Variants in ZNF536 observed in about 807,000 individuals in gnomAD.
ZNF536 encodes the protein zinc finger protein 536.
A neutral mutation model predicts 84.5 loss-of-function variants in ZNF536; 13 were observed. The ratio of observed to expected loss-of-function variants is 0.15; its 90% CI spans 0.10 to 0.24. The LOEUF is 0.24. Among genes scored for constraint, ZNF536 ranks in the 10% least tolerant of loss-of-function variants. The probability of loss-of-function intolerance (pLI) is 1.00; values close to 1 mark genes in which losing one functional copy is unlikely to be tolerated. For missense variants in ZNF536, 1,536 were observed against 1,747.5 expected (o/e 0.88, Z 2.16); for synonymous variants, 811 against 742.5 (o/e 1.09, Z -1.50).
At chr19:30,526,495 C>T (rs926714919) in intron 2 of ZNF536, among the ~76,000 whole-genome samples, 2 of 125,072 alleles carry the variant, frequency 1.6e-5, no homozygotes, top group East Asian at 1.9e-4. Flanking sequence ...GAGGCCGAGG[C>T]GGGCGGATCA....
At chr19:30,587,068 A>G (rs1169896203) in intron 1 of ZNF536, among the ~76,000 whole-genome samples, 2 of 152,252 alleles carry the variant, frequency 1.3e-5, no homozygotes, top group African/African-American at 4.8e-5. Context: ...CTGTCCACAC[A>G]TATCTTGAAG....
intron 1 of ZNF536, among the ~76,000 whole-genome samples, chr19:30,392,822 ATTAGTGCATAG>A (rs993080137): frequency 1.3e-5 from 2 of 152,202 alleles, no homozygotes; most frequent in Non-Finnish European, 1.5e-5. Context: ...TGTCCTGAAA[ATTAGTGCATAG>A]TTAGATCAAA....
intron 2 of ZNF536, among the ~76,000 whole-genome samples, chr19:30,497,060 C>T (rs1439954000): frequency 6.6e-6 from 1 of 152,174 alleles, no homozygotes; most frequent in Non-Finnish European, 1.5e-5. Context: ...AGGTGCTCCT[C>T]CCCCTCTACT....
At chr19:30,644,937 C>T (rs1341686531) in intron 1 of ZNF536, among the ~76,000 whole-genome samples, 7 of 152,242 alleles carry the variant, frequency 4.6e-5, no homozygotes, top group South Asian at 4.1e-4. Flanking sequence ...CCTGAGGAAT[C>T]GCCACACTGA....
chr19:30,290,755 G>C (rs1434439258), intron 2 of ZNF536, among the ~76,000 whole-genome samples: 1 of 152,208 alleles, frequency 6.6e-6, no homozygotes, highest in Non-Finnish European at 1.5e-5. Context: ...ATGTGCCATA[G>C]TAGTTTGCTG....
chr19:30,346,093 G>C (rs1025202264), intron 2 of ZNF536, among the ~76,000 whole-genome samples: 2 of 152,170 alleles, frequency 1.3e-5, no homozygotes, highest in African/African-American at 4.8e-5. Flanking sequence ...ACTGCCATCG[G>C]AAAGGCTGTA....
intron 1 of ZNF536, among the ~76,000 whole-genome samples, chr19:30,268,502 G>T (rs2025645555): frequency 6.6e-6 from 1 of 152,146 alleles, no homozygotes; most frequent in Non-Finnish European, 1.5e-5. Flanking sequence ...ACCCTCCCAG[G>T]GAGTGCTGGC....
At chr19:30,372,119 C>G (rs577879704), upstream of ZNF536, among the ~76,000 whole-genome samples, 2 of 152,324 alleles carry the variant, frequency 1.3e-5, no homozygotes, top group Non-Finnish European at 2.9e-5. Flanking sequence ...CTTCCCATTT[C>G]AGAGCTGACA....
At chr19:30,700,107 T>C (rs940557459) in intron 1 of ZNF536, among the ~76,000 whole-genome samples, 10 of 139,874 alleles carry the variant, frequency 7.1e-5, no homozygotes, top group South Asian at 4.9e-4. Flanking sequence ...CCTTCCTTTC[T>C]TCCTCCCTCC....
At chr19:30,358,951 C>A (rs928340713) in intron 3 of ZNF536, among the ~76,000 whole-genome samples, 1 of 152,198 alleles carries the variant, frequency 6.6e-6, no homozygotes, top group Non-Finnish European at 1.5e-5. Flanking sequence ...GTCATAGCCC[C>A]AAATTCAGAG....
intron 2 of ZNF536, among the ~76,000 whole-genome samples, chr19:30,303,788 C>T (rs2046263306): frequency 6.6e-6 from 1 of 152,168 alleles, no homozygotes; most frequent in African/African-American, 2.4e-5. Context: ...CCACCATGCC[C>T]AGCCGACACT....
intron 1 of ZNF536, among the ~76,000 whole-genome samples, chr19:30,375,404 G>A (rs2048775398): frequency 6.6e-6 from 1 of 152,094 alleles, no homozygotes; most frequent in African/African-American, 2.4e-5. Context: ...GTGCGCGGGG[G>A]CTCCCCGCTA....
At chr19:30,669,929 G>A (rs1001887905) in intron 1 of ZNF536, among the ~76,000 whole-genome samples, 1 of 152,212 alleles carries the variant, frequency 6.6e-6, no homozygotes. Context: ...GATTGTTCCT[G>A]CTTCTACAGG....
chr19:30,433,623 G>A (rs1171912778), intron 1 of ZNF536, among the ~76,000 whole-genome samples: 16 of 152,204 alleles, frequency 1.1e-4, no homozygotes, highest in South Asian at 4.2e-4. Flanking sequence ...TCAGCCTCCC[G>A]AGTAGCTGGG....
intron 2 of ZNF536, among the ~76,000 whole-genome samples, chr19:30,344,190 C>A (rs907437841): frequency 6.6e-6 from 1 of 150,574 alleles, no homozygotes; most frequent in Non-Finnish European, 1.5e-5. Context: ...ATAATCCCAG[C>A]AACTTTGGGA....
Position 30,436,302 on chromosome 19 carries a change from A to G in ZNF536, c.-2-7259A>G, listed in dbSNP as rs151071302. On this transcript the variant is annotated intron_variant, in intron 1 of 4. Coordinates refer to ENST00000355537, the MANE Select transcript of ZNF536 (RefSeq NM_014717.3). Reference sequence around the variant, plus strand: ...ATTTAACTATTTCTGGCCCCATCTCATGGCACTGTCTACACATCAGTCAAA... The same window carrying G: ...ATTTAACTATTTCTGGCCCCATCTCGTGGCACTGTCTACACATCAGTCAAA... Among the ~76,000 whole-genome samples, 564 of 152,222 alleles carry G rather than the reference A, an allele frequency of 3.7e-3. 3 individuals are homozygous for G. Among genetic ancestry groups the G allele is most frequent in the African/African-American group, 0.013 (535 of 41,534 alleles).
At chr19:30,303,100 C>T (rs1403844394) in intron 2 of ZNF536, among the ~76,000 whole-genome samples, 3 of 152,166 alleles carry the variant, frequency 2.0e-5, no homozygotes, top group Non-Finnish European at 4.4e-5. Context: ...TTTTCATCTC[C>T]ATTTGGCATT....
At chr19:30,400,418 A>T (rs1049373063) in intron 1 of ZNF536, among the ~76,000 whole-genome samples, 7 of 152,164 alleles carry the variant, frequency 4.6e-5, no homozygotes, top group Middle Eastern at 3.4e-3. Context: ...CAGAATTTTA[A>T]CTGTTTTAAT....
At chr19:30,250,492 G>C (rs918744522) in intron 1 of ZNF536, among the ~76,000 whole-genome samples, 11 of 152,280 alleles carry the variant, frequency 7.2e-5, no homozygotes, top group African/African-American at 2.6e-4. Context: ...TCTGTCAAAG[G>C]GCTGTCTGCC....
Sources: gnomAD v4.1 joint callset for allele counts (sites outside exome capture counted in the v4.1 genomes callset) on GRCh38, gnomAD v4.1.1 for gene constraint, MANE v1.5 for transcripts, NCBI Gene and HGNC (gene_info 2026-07-23, HGNC 2026-07-21) for gene names.